Variants in NIM1K observed in about 807,000 individuals in gnomAD.
NIM1K encodes the protein serine/threonine-protein kinase NIM1.
Under a neutral mutation model 37.1 loss-of-function variants are expected in NIM1K, and 35 were observed. The ratio of observed to expected loss-of-function variants is 0.94; its 90% CI spans 0.72 to 1.25. The LOEUF (loss-of-function observed/expected upper bound fraction) is 1.25. Among genes scored for constraint, NIM1K ranks in the 50% most tolerant of loss-of-function variants. NIM1K has a pLI of 0.00. For synonymous variants in NIM1K, 234 were observed against 206.6 expected (o/e 1.13, Z -1.14); for missense variants, 564 against 548.0 (o/e 1.03, Z -0.29).
chr5:43,199,344 C>T (rs181122154), intron 1 of NIM1K, among the ~76,000 whole-genome samples: 12 of 150,756 alleles, frequency 8.0e-5, no homozygotes, highest in East Asian at 3.9e-4. Context: ...AAGTTAGGTA[C>T]GCTTTGGCCT....
At chr5:43,219,734 T>A (rs1444155164) in intron 1 of NIM1K, among the ~76,000 whole-genome samples, 1 of 152,202 alleles carries the variant, frequency 6.6e-6, no homozygotes, top group African/African-American at 2.4e-5. Flanking sequence ...GTGTCTTTTT[T>A]TTTTGAGATG....
rs188994491 is a variant in NIM1K, at chr5:43,277,471, C to T, written c.561+146C>T. On this transcript the variant is annotated intron_variant, in intron 3 of 3. Transcript: ENST00000326035. ...TCCCTTCTGAGAGTCAGAAGTCTGGCTGGGATCATGCTCCTTGCCTGTGAA... is the reference window on the plus strand; with the variant it reads ...TCCCTTCTGAGAGTCAGAAGTCTGGTTGGGATCATGCTCCTTGCCTGTGAA... 1.3e-4 allele frequency: 105 copies of T among 837,372 alleles called. 1 individual carries two copies. The highest frequency in any genetic ancestry group is 9.8e-4 in the Admixed American group (35 of 35,638). 51.9% of individuals were successfully genotyped at this position (837,372 alleles called of 1,614,324 possible). A position where few individuals can be genotyped will look rare whatever the true frequency, so the allele number is the denominator to read the frequency against.
At chr5:43,232,387 A>C in intron 1 of NIM1K, 1 of 1,406,696 alleles carries the variant, frequency 7.1e-7, no homozygotes, top group Non-Finnish European at 1.0e-6. Context: ...GGATGGGGGG[A>C]TAGGCCACCA....
chr5:43,250,530 C>G (rs531843563), intron 2 of NIM1K, among the ~76,000 whole-genome samples: 4 of 152,244 alleles, frequency 2.6e-5, no homozygotes, highest in Non-Finnish European at 4.4e-5. Flanking sequence ...CACACAGCAC[C>G]AAAAGAGCAG....
Position 43,198,183 on chromosome 5 carries a change from CTTTCTTTCTTTCTTTCTTTCTTTCTCTT to C in NIM1K, c.-695+5774_-695+5801del, listed in dbSNP as rs1561069829. Among the ~76,000 whole-genome samples, 291 of 71,296 alleles carry C rather than the reference CTTTCTTTCTTTCTTTCTTTCTTTCTCTT, an allele frequency of 4.1e-3. 1 individual carries two copies. In the Middle Eastern group the frequency reaches 0.042, roughly 10 times the overall value. The allele number at this position is 71,296 out of a possible 152,430, so 46.8% of individuals were successfully genotyped here. A position where few individuals can be genotyped will look rare whatever the true frequency, so the allele number is the denominator to read the frequency against. On this transcript the variant is annotated intron_variant, in intron 1 of 3. Transcript: ENST00000326035. ...TCTTTCTTTCTTTCTTTCTTTCTTT[CTTTCTTTCTTTCTTTCTTTCTTTCTCTT>C]TCTTTCTTTCTTTCTTTCTTTCTTT...
Position 43,253,156 on chromosome 5 carries a change from A to T in NIM1K, c.292+7089A>T, listed in dbSNP as rs28568306. On this transcript the variant is annotated intron_variant, in intron 2 of 3. Transcript: ENST00000326035. The stretch of plus-strand genomic sequence containing the variant: ...CCATGACTGGCCTTCATTCCTTTAT[A>T]TATATATATAATATAATATATAATG... Among the ~76,000 whole-genome samples the T allele has an allele frequency of 2.6e-3, 352 of 136,510 alleles. 2 individuals are homozygous for T. The highest frequency in any genetic ancestry group is 8.7e-3 in the African/African-American group (324 of 37,206). 89.6% of individuals were successfully genotyped at this position (136,510 alleles called of 152,430 possible).
intron 1 of NIM1K, among the ~76,000 whole-genome samples, chr5:43,218,278 T>C (rs1015550854): frequency 6.6e-6 from 1 of 152,192 alleles, no homozygotes; most frequent in African/African-American, 2.4e-5. Context: ...CCCAAAGTGC[T>C]GGGATTACAG....
chr5:43,201,503 T>G (rs1752019776), intron 1 of NIM1K, among the ~76,000 whole-genome samples: 1 of 152,200 alleles, frequency 6.6e-6, no homozygotes, highest in African/African-American at 2.4e-5. Context: ...GTTTGAATGA[T>G]GAACACTTTG....
intron 2 of NIM1K, among the ~76,000 whole-genome samples, chr5:43,263,606 G>A (rs1463768143): frequency 2.7e-5 from 4 of 150,138 alleles, no homozygotes; most frequent in African/African-American, 7.3e-5. Flanking sequence ...AGGGTTTTTG[G>A]TGTCTCCATC....
chr5:43,270,023 G>A (rs908057745), intron 2 of NIM1K, among the ~76,000 whole-genome samples: 1 of 152,210 alleles, frequency 6.6e-6, no homozygotes, highest in Non-Finnish European at 1.5e-5. Flanking sequence ...AGTCCTTTTA[G>A]AATTTTGTGT....
chr5:43,238,039 A>AT (rs71608701), intron 1 of NIM1K, among the ~76,000 whole-genome samples: 9,925 of 120,622 alleles, frequency 0.082, 631 homozygotes, highest in East Asian at 0.15. Context: ...CTTCAATTTA[A>AT]TTTTTTTTTT....
At chr5:43,267,089 T>C (rs1753173638) in intron 2 of NIM1K, among the ~76,000 whole-genome samples, 1 of 152,234 alleles carries the variant, frequency 6.6e-6, no homozygotes, top group African/African-American at 2.4e-5. Flanking sequence ...TAGGCTTTTT[T>C]GTTGCTGGCA....
intron 1 of NIM1K, among the ~76,000 whole-genome samples, chr5:43,213,200 TC>T (rs879479637): frequency 0.021 from 1,267 of 60,448 alleles, 26 homozygotes; most frequent in African/African-American, 0.027. Flanking sequence ...TTTCTTTCTT[TC>T]TTTCTTTCTT....
intron 1 of NIM1K, among the ~76,000 whole-genome samples, chr5:43,230,805 A>T (rs756711757): frequency 3.0e-4 from 46 of 151,672 alleles, no homozygotes; most frequent in Non-Finnish European, 5.6e-4. Flanking sequence ...TGTACCTCAC[A>T]CTCCTTCCCC....
At chr5:43,259,239 T>C (rs1243353024) in intron 2 of NIM1K, among the ~76,000 whole-genome samples, 4 of 152,218 alleles carry the variant, frequency 2.6e-5, no homozygotes, top group Admixed American at 1.3e-4. Flanking sequence ...TTTTTTGATA[T>C]AAGGACTTCT....
At chr5:43,215,183 T>G (rs1752282486) in intron 1 of NIM1K, among the ~76,000 whole-genome samples, 1 of 152,238 alleles carries the variant, frequency 6.6e-6, no homozygotes, top group Admixed American at 6.5e-5. Flanking sequence ...TAGCAAGTAC[T>G]ATGGAACAGT....
chr5:43,261,480 T>G (rs1194720547), intron 2 of NIM1K, among the ~76,000 whole-genome samples: 1 of 152,214 alleles, frequency 6.6e-6, no homozygotes, highest in African/African-American at 2.4e-5. Flanking sequence ...TGTAAATTTG[T>G]TTGAGTTCTT....
At chr5:43,269,732 C>T (rs1416603373) in intron 2 of NIM1K, among the ~76,000 whole-genome samples, 3 of 152,032 alleles carry the variant, frequency 2.0e-5, no homozygotes, top group Admixed American at 2.0e-4. Flanking sequence ...CATTCTCCTG[C>T]CTCAGCCTCC....
intron 2 of NIM1K, among the ~76,000 whole-genome samples, chr5:43,256,604 G>C (rs1228136634): frequency 6.6e-6 from 1 of 152,170 alleles, no homozygotes; most frequent in Non-Finnish European, 1.5e-5. Context: ...TACCATTTCA[G>C]TGCTTGCAGG....
Sources: allele counts gnomAD v4.1 joint callset (sites outside exome capture counted in the v4.1 genomes callset), GRCh38; gene constraint gnomAD v4.1.1; transcripts MANE v1.5; gene names NCBI Gene and HGNC (gene_info 2026-07-23, HGNC 2026-07-21).